Variants in GRB14 observed in about 807,000 individuals in gnomAD.
GRB14 encodes the protein growth factor receptor bound protein 14, also known as growth factor receptor-bound protein 14.
Under a neutral mutation model 69.1 loss-of-function variants are expected in GRB14, and 38 were observed. The observed-to-expected ratio is 0.55, with a 90% CI of 0.42 to 0.72. GRB14 has a LOEUF of 0.72. Among genes scored for constraint, GRB14 ranks in the 30% least tolerant of loss-of-function variants. The pLI is 0.00. For synonymous variants in GRB14, 247 were observed against 241.3 expected (o/e 1.02, Z -0.22); for missense variants, 666 against 666.1 (o/e 1.00, Z 0.00).
chr2:164,588,546 A>AT (rs58248688), intron 2 of GRB14, among the ~76,000 whole-genome samples: 5 of 151,924 alleles, frequency 3.3e-5, no homozygotes, highest in Admixed American at 6.6e-5. Context: ...GAAAATATGA[A>AT]TTTTTTTTAC....
chr2:164,584,772 G>A (rs1381652541), intron 2 of GRB14, among the ~76,000 whole-genome samples: 1 of 152,128 alleles, frequency 6.6e-6, no homozygotes, highest in Non-Finnish European at 1.5e-5. Flanking sequence ...ACAATGTCTT[G>A]TTCTACTCTT....
rs114210336 is a variant in GRB14 at position 164,521,871 on chromosome 2, G to C, written c.816+109C>G. The C allele has an allele frequency of 1.5e-5, 15 of 1,015,404 alleles. 1 individual carries two copies. The highest frequency in any genetic ancestry group is 2.2e-5 in the Non-Finnish European group (15 of 677,700). The allele number at this position is 1,015,404 out of a possible 1,614,324, so 62.9% of individuals were successfully genotyped here. The stretch of plus-strand genomic sequence containing the variant: ...AACGTTTTAAATCAAGAAAATCAAA[G>C]ACCAACCTTTGACATCAAGTAATAA... On this transcript the variant is annotated intron_variant, in intron 6 of 13. Coordinates refer to ENST00000263915, the MANE Select transcript of GRB14 (RefSeq NM_004490.3).
chr2:164,544,615 T>C (rs558559704), intron 3 of GRB14, among the ~76,000 whole-genome samples: 72 of 152,340 alleles, frequency 4.7e-4, no homozygotes, highest in Non-Finnish European at 8.5e-4. Context: ...GAGCCTCTTC[T>C]GTCCTAGAAG....
intron 2 of GRB14, among the ~76,000 whole-genome samples, chr2:164,595,375 C>A (rs1269387526): frequency 1.3e-5 from 2 of 152,194 alleles, no homozygotes; most frequent in African/African-American, 4.8e-5. Flanking sequence ...AGATGTTATA[C>A]ATGCTATGAA....
chr2:164,508,332 G>T, intron 8 of GRB14, 123 bp downstream of exon 8: 3 of 678,248 alleles, frequency 4.4e-6, no homozygotes, highest in Admixed American at 5.3e-5. Flanking sequence ...CACATTTGGT[G>T]GTTATTTTTC....
At chr2:164,498,218 G>A (rs1007266415) in intron 9 of GRB14, among the ~76,000 whole-genome samples, 2 of 152,090 alleles carry the variant, frequency 1.3e-5, no homozygotes, top group Non-Finnish European at 2.9e-5. Flanking sequence ...TTGGCCACAT[G>A]AGGGCTGCAA....
chr2:164,554,714 C>G (rs986491375), intron 2 of GRB14, among the ~76,000 whole-genome samples: 1 of 152,066 alleles, frequency 6.6e-6, no homozygotes, highest in African/African-American at 2.4e-5. Context: ...GCAGCCCTTG[C>G]AGGGATATGC....
At chr2:164,582,779 C>A (rs913198830) in intron 2 of GRB14, among the ~76,000 whole-genome samples, 2 of 152,170 alleles carry the variant, frequency 1.3e-5, no homozygotes, top group African/African-American at 2.4e-5. Context: ...GTCTCCATAA[C>A]CTAATATCTT....
At chr2:164,523,966 C>G (rs1165896277) in intron 5 of GRB14, among the ~76,000 whole-genome samples, 2 of 152,068 alleles carry the variant, frequency 1.3e-5, no homozygotes, top group Non-Finnish European at 2.9e-5. Flanking sequence ...GGCACAGCTG[C>G]TGCTGCCATT....
intron 2 of GRB14, among the ~76,000 whole-genome samples, chr2:164,551,288 C>T (rs1688531322): frequency 6.6e-6 from 1 of 152,100 alleles, no homozygotes; most frequent in Admixed American, 6.6e-5. Context: ...TTCACATAAC[C>T]TTGGCACACA....
At chr2:164,573,965 A>C in intron 2 of GRB14, 4 of 1,608,448 alleles carry the variant, frequency 2.5e-6, no homozygotes, top group Non-Finnish European at 3.4e-6. Flanking sequence ...AAAGACCAAA[A>C]GCCTTTCCTT....
At chr2:164,517,438 C>T (rs965179296) in intron 6 of GRB14, among the ~76,000 whole-genome samples, 1 of 152,002 alleles carries the variant, frequency 6.6e-6, no homozygotes, top group Non-Finnish European at 1.5e-5. Context: ...AAAACAAAAA[C>T]ATGATGAAAA....
chr2:164,542,300 A>C (rs1688262280), intron 3 of GRB14, among the ~76,000 whole-genome samples: 1 of 152,262 alleles, frequency 6.6e-6, no homozygotes, highest in East Asian at 1.9e-4. Context: ...AAGATTTAAA[A>C]GATTAAAACC....
intron 2 of GRB14, among the ~76,000 whole-genome samples, chr2:164,585,370 T>C (rs1689515130): frequency 6.6e-6 from 1 of 152,108 alleles, no homozygotes; most frequent in Non-Finnish European, 1.5e-5. Flanking sequence ...AAAAATTTCA[T>C]TTAAATGCAC....
chr2:164,596,659 A>G (rs1414415539), intron 2 of GRB14, among the ~76,000 whole-genome samples: 2 of 152,228 alleles, frequency 1.3e-5, no homozygotes, highest in East Asian at 3.9e-4. Context: ...GAATGGCTAC[A>G]GTAAAATACT....
chr2:164,612,431 T>A (rs968539531), intron 2 of GRB14, among the ~76,000 whole-genome samples: 1 of 152,370 alleles, frequency 6.6e-6, no homozygotes, highest in East Asian at 1.9e-4. Flanking sequence ...GGTCTCCCTA[T>A]GTCAGTCCTG....
chr2:164,526,203 G>A (rs1054208109), intron 4 of GRB14, among the ~76,000 whole-genome samples: 1 of 151,870 alleles, frequency 6.6e-6, no homozygotes, highest in African/African-American at 2.4e-5. Context: ...GTCTTTCAGG[G>A]TTTGAAAATA....
intron 2 of GRB14, among the ~76,000 whole-genome samples, chr2:164,585,599 C>T (rs1689520463): frequency 6.6e-6 from 1 of 152,074 alleles, no homozygotes; most frequent in South Asian, 2.1e-4. Flanking sequence ...AAAATGATAA[C>T]TATATGATGG....
chr2:164,510,267 G>A (rs969012841), intron 6 of GRB14, among the ~76,000 whole-genome samples: 4 of 152,150 alleles, frequency 2.6e-5, no homozygotes, highest in African/African-American at 7.2e-5. Flanking sequence ...GCAATAAGAG[G>A]TATGATGAGT....
Sources: gnomAD v4.1 joint callset for allele counts (sites outside exome capture counted in the v4.1 genomes callset) on GRCh38, gnomAD v4.1.1 for gene constraint, MANE v1.5 for transcripts, NCBI Gene and HGNC (gene_info 2026-07-23, HGNC 2026-07-21) for gene names.